ADGRL2: variants seen among roughly 807,000 people sequenced by gnomAD.
ADGRL2 encodes the protein adhesion G protein-coupled receptor L2, also known as calcium-independent alpha-latrotoxin receptor 2.
Under a neutral mutation model 157.4 loss-of-function variants are expected in ADGRL2, and 44 were observed. That is an observed-to-expected ratio of 0.28 (90% CI 0.22 to 0.36). ADGRL2 has a LOEUF of 0.36. Ranked by LOEUF, ADGRL2 falls within the 10% of genes least tolerant of loss-of-function variation. The probability of loss-of-function intolerance (pLI) is 1.00; values close to 1 mark genes in which losing one functional copy is unlikely to be tolerated. For synonymous variants in ADGRL2, 585 were observed against 624.7 expected (o/e 0.94, Z 0.95); for missense variants, 1,510 against 1,768.9 (o/e 0.85, Z 2.63).
At chr1:81,492,638 C>A (rs982654451) in intron 2 of ADGRL2, among the ~76,000 whole-genome samples, 17 of 152,150 alleles carry the variant, frequency 1.1e-4, no homozygotes, top group Non-Finnish European at 2.1e-4. Flanking sequence ...AAGAATGCTT[C>A]ATTTCTAAAG....
intron 3 of ADGRL2, among the ~76,000 whole-genome samples, chr1:81,667,153 G>A (rs1231463029): frequency 2.0e-5 from 3 of 152,088 alleles, no homozygotes; most frequent in Non-Finnish European, 4.4e-5. Context: ...ACAAAAGAAC[G>A]GGGGTGCTAA....
chr1:81,407,380 C>A (rs1418944824), intron 1 of ADGRL2, among the ~76,000 whole-genome samples: 2 of 152,206 alleles, frequency 1.3e-5, no homozygotes. Context: ...TAAAAAGATC[C>A]TGTTGGAACT....
intron 2 of ADGRL2, among the ~76,000 whole-genome samples, chr1:81,508,086 T>C (rs879227368): frequency 1.3e-5 from 2 of 152,264 alleles, no homozygotes; most frequent in Non-Finnish European, 2.9e-5. Context: ...CTCGGCTTTA[T>C]ATTGTGCAAT....
intron 2 of ADGRL2, among the ~76,000 whole-genome samples, chr1:81,489,319 T>A (rs1340805858): frequency 1.3e-5 from 2 of 151,814 alleles, no homozygotes. Flanking sequence ...AATACAATAA[T>A]TTAAATGAAA....
intron 17 of ADGRL2, among the ~76,000 whole-genome samples, chr1:81,976,573 A>G (rs1660243274): frequency 6.6e-6 from 1 of 152,048 alleles, no homozygotes; most frequent in Admixed American, 6.6e-5. Context: ...ATCTTTTAAA[A>G]CATTCCATTT....
intron 1 of ADGRL2, among the ~76,000 whole-genome samples, chr1:81,805,577 G>C (rs1343314489): frequency 6.6e-6 from 1 of 151,476 alleles, no homozygotes; most frequent in Non-Finnish European, 1.5e-5. Context: ...TTTAGCTTAA[G>C]TGTAATCGGA....
intron 2 of ADGRL2, among the ~76,000 whole-genome samples, chr1:81,890,967 A>G (rs768103921): frequency 6.6e-6 from 1 of 152,058 alleles, no homozygotes; most frequent in Non-Finnish European, 1.5e-5. Flanking sequence ...TTGGTACCTC[A>G]GGGTTGGCAG....
chr1:81,887,471 A>T (rs1329032574), intron 2 of ADGRL2, among the ~76,000 whole-genome samples: 2 of 152,238 alleles, frequency 1.3e-5, no homozygotes, highest in Non-Finnish European at 2.9e-5. Flanking sequence ...AGCACAGTTT[A>T]TATAATGAGT....
intron 2 of ADGRL2, among the ~76,000 whole-genome samples, chr1:81,774,767 C>T (rs146781159): frequency 2.0e-5 from 3 of 151,982 alleles, no homozygotes; most frequent in African/African-American, 4.8e-5. Context: ...ACATTGATTA[C>T]ATATTTCAAT....
At chr1:81,367,757 G>T (rs924850329) in intron 1 of ADGRL2, among the ~76,000 whole-genome samples, 31 of 152,066 alleles carry the variant, frequency 2.0e-4, no homozygotes, top group African/African-American at 7.5e-4. Context: ...TCACCATGTT[G>T]GTCAGGCTAG....
intron 1 of ADGRL2, among the ~76,000 whole-genome samples, chr1:81,378,036 G>T (rs1259487403): frequency 6.6e-6 from 1 of 152,042 alleles, no homozygotes; most frequent in African/African-American, 2.4e-5. Context: ...AAAATTAGCT[G>T]GGCGTGGTGG....
At chr1:81,749,296 A>G (rs2149260761) in intron 1 of ADGRL2, among the ~76,000 whole-genome samples, 1 of 152,310 alleles carries the variant, frequency 6.6e-6, no homozygotes, top group Admixed American at 6.5e-5. Context: ...AACAAATATG[A>G]GAAGAATATA....
chr1:81,571,274 A>C, intron 2 of ADGRL2, among the ~76,000 whole-genome samples: 1 of 151,172 alleles, frequency 6.6e-6, no homozygotes, highest in African/African-American at 2.4e-5. Context: ...GCAGTGAGCC[A>C]AGATCATGCC....
intron 2 of ADGRL2, among the ~76,000 whole-genome samples, chr1:81,483,698 G>T (rs2078439779): frequency 6.6e-6 from 1 of 152,154 alleles, no homozygotes; most frequent in South Asian, 2.1e-4. Flanking sequence ...AAATGGGAGA[G>T]ATGTTAACCA....
At chr1:81,460,728 CA>C (rs1183115475) in intron 2 of ADGRL2, among the ~76,000 whole-genome samples, 1 of 152,098 alleles carries the variant, frequency 6.6e-6, no homozygotes, top group Non-Finnish European at 1.5e-5. Context: ...TGGTCAGAAA[CA>C]AGACTAGAAA....
rs151169334 is a variant in ADGRL2 at position 81,396,802 on chromosome 1, A to G, written c.-301-48234A>G. ...TTTATTGATTTGTGTATGTTGAATC[A>G]TCCTTGCATCCCTGGGATAAATTCC... On this transcript the variant is annotated intron_variant, in intron 1 of 24. Coordinates refer to the ADGRL2 transcript ENST00000370721. 4.6e-4 allele frequency among the ~76,000 whole-genome samples: 70 copies of G among 152,310 alleles called. No individual in the cohort carries two copies. In the East Asian group the frequency reaches 0.012, roughly 26 times the overall value.
chr1:81,443,599 T>C (rs901304563), intron 1 of ADGRL2, among the ~76,000 whole-genome samples: 13 of 152,172 alleles, frequency 8.5e-5, no homozygotes, highest in Admixed American at 6.5e-5. Flanking sequence ...TAGTTAGGAA[T>C]ACATTTTAAG....
rs199602422 is a variant in ADGRL2, at chr1:81,874,630, T to C, written c.74-32387T>C. Among the ~76,000 whole-genome samples, 60 of 33,796 alleles carry C rather than the reference T, an allele frequency of 1.8e-3. No individual in the cohort carries two copies. In the East Asian group the frequency reaches 0.054, roughly 30 times the overall value. The allele number at this position is 33,796 out of a possible 152,430, so 22.2% of individuals were successfully genotyped here. On this transcript the variant is annotated intron_variant, in intron 2 of 23. Coordinates refer to ENST00000686636, the MANE Select transcript of ADGRL2 (RefSeq NM_001366006.2). The stretch of plus-strand genomic sequence containing the variant: ...CTTGTTTGTCTTGTCTTGTCTTGTC[T>C]TGTCTTGTCCTGTCCTGTCCTGTCC...
chr1:81,696,477 G>A (rs929926470), upstream of ADGRL2, among the ~76,000 whole-genome samples: 3 of 152,082 alleles, frequency 2.0e-5, no homozygotes, highest in Non-Finnish European at 4.4e-5. Flanking sequence ...AGTTGGCCAG[G>A]CGCGGTGGCT....
Sources: gnomAD v4.1 joint callset for allele counts (sites outside exome capture counted in the v4.1 genomes callset) on GRCh38, gnomAD v4.1.1 for gene constraint, MANE v1.5 for transcripts, NCBI Gene and HGNC (gene_info 2026-07-23, HGNC 2026-07-21) for gene names.